The following SCN1A variants were observed in gnomAD, a reference collection of about 807,000 sequenced individuals.
SCN1A encodes sodium channel protein type 1 subunit alpha.
SCN1A carries 13 observed loss-of-function variants against 193.7 expected under a neutral mutation model. The observed-to-expected ratio is 0.07, with a 90% CI of 0.04 to 0.11. The LOEUF (loss-of-function observed/expected upper bound fraction) is 0.11, where lower values mean the gene tolerates loss of function less well. Among genes scored for constraint, SCN1A ranks in the 10% least tolerant of loss-of-function variants. The probability of loss-of-function intolerance (pLI) is 1.00; values close to 1 mark genes in which losing one functional copy is unlikely to be tolerated. For synonymous variants in SCN1A, 781 were observed against 843.6 expected (o/e 0.93, Z 1.29); for missense variants, 1,432 against 2,451.1 (o/e 0.58, Z 8.78).
intron 6 of SCN1A, among the ~76,000 whole-genome samples, chr2:166,055,094 A>G (rs1023044220): frequency 6.6e-6 from 1 of 151,980 alleles, no homozygotes; most frequent in African/African-American, 2.4e-5. Flanking sequence ...TAGCCAATCA[A>G]TAATATTGCA....
rs755598644 is a variant in SCN1A at position 166,051,829 on chromosome 2, G to A, written c.854C>T (p.Ala285Val). 44 of 1,612,340 alleles carry A rather than the reference G, an allele frequency of 2.7e-5. No homozygotes were observed. In the South Asian group the frequency reaches 3.8e-4, roughly 14 times the overall value. The change falls in exon 9 of 29, where the codon GCT becomes GTT. Residue 285 changes from alanine (A) to valine (V), a missense_variant. Ala to Val is a moderately conservative substitution (Grantham distance 64). Transcript: ENST00000674923. ...TTCTATACTATGTTCCTCCAAGGAAGCATTGGTGGGAGGCCATTGTATACA... is the reference window on the plus strand; with the variant it reads ...TTCTATACTATGTTCCTCCAAGGAAACATTGGTGGGAGGCCATTGTATACA... Reference protein sequence around the residue: ...NKCIQWPPTNASLEEHSIEKN... With the variant: ...NKCIQWPPTNVSLEEHSIEKN...
intron 19 of SCN1A, among the ~76,000 whole-genome samples, chr2:166,021,390 A>G (rs886153053): frequency 1.3e-5 from 2 of 152,174 alleles, no homozygotes; most frequent in Admixed American, 6.6e-5. Flanking sequence ...ACAAAATAAA[A>G]TAAGTTCACA....
Position 166,042,299 on chromosome 2 carries a change from T to C in SCN1A, c.2169A>G (p.Thr723=). 6.2e-7 allele frequency: 1 copy of C among 1,613,764 alleles called. No individual in the cohort carries two copies. Among genetic ancestry groups the C allele is most frequent in the Non-Finnish European group, 8.5e-7 (1 of 1,179,788 alleles). The change falls in exon 15 of 29, where the codon ACA becomes ACG. Residue 723 remains threonine, a synonymous_variant. Coordinates refer to ENST00000674923, the MANE Select transcript of SCN1A (RefSeq NM_001165963.4). ...AMSIASILTN[T]VEELEESRQK... ...ATAGAATTTGTTACCAACCTTCTAC[T>C]GTATTTGTTAGAATGCTGGCTATAC...
chr2:166,015,677 G>A lies in SCN1A; in HGVS notation c.3480C>T (p.Gly1160=), dbSNP rs369594817. 3.1e-5 allele frequency: 50 copies of A among 1,612,698 alleles called. No individual in the cohort carries two copies. The African/African-American group carries it at 3.2e-4, about 10-fold the overall frequency. ...CTACGGGCTGTTCTTCTACAGGTGCGCCGATGTCCACAGTGCTACCTTCTG... is the reference window on the plus strand; with the variant it reads ...CTACGGGCTGTTCTTCTACAGGTGCACCGATGTCCACAGTGCTACCTTCTG... ...SSSEGSTVDI[G]APVEEQPVVE... is the part of the protein sequence containing the mutation. The change falls in exon 20 of 29, where the codon GGC becomes GGT. Residue 1160 remains glycine (G), a synonymous_variant. Coordinates refer to ENST00000674923, the MANE Select transcript of SCN1A (RefSeq NM_001165963.4).
chr2:166,114,947 ATAT>A (rs1353377015), intron 2 of SCN1A, among the ~76,000 whole-genome samples: 2 of 152,186 alleles, frequency 1.3e-5, no homozygotes, highest in South Asian at 2.1e-4. Flanking sequence ...GAGATCACAA[ATAT>A]TATTTTCTTC....
At chr2:166,076,866 T>C (rs73969794) in intron 3 of SCN1A, among the ~76,000 whole-genome samples, 11,665 of 150,974 alleles carry the variant, frequency 0.077, 1,217 homozygotes, top group African/African-American at 0.24. Context: ...CTAGACCTTA[T>C]GCCTTTCACA....
intron 5 of SCN1A, among the ~76,000 whole-genome samples, chr2:166,057,264 G>A (rs7423423): frequency 0.67 from 101,039 of 151,802 alleles, 34,067 homozygotes; most frequent in East Asian, 0.89. Flanking sequence ...ATGAGTTAAT[G>A]TATTGGAAAT....
chr2:166,063,466 G>T (rs2217198), intron 4 of SCN1A, among the ~76,000 whole-genome samples: 26 of 151,776 alleles, frequency 1.7e-4, no homozygotes, highest in African/African-American at 6.0e-4. Context: ...TGGCAATTCA[G>T]AATACATGTA....
chr2:165,991,401 G>C lies in SCN1A; in HGVS notation c.5874C>G (p.Asp1958Glu). 6.2e-7 allele frequency: 1 copy of C among 1,613,618 alleles called. No homozygotes were observed. The change falls in exon 29 of 29, where the codon GAC becomes GAG. Residue 1958 changes from aspartate (D) to glutamate (E), a missense_variant. Physicochemically the swap from Asp to Glu is conservative, Grantham distance 45. Around this residue, in one of 18 missense-constraint regions of SCN1A, gnomAD observed 148 missense variants for 160.3 expected, o/e 0.92. Coordinates refer to ENST00000674923, the MANE Select transcript of SCN1A (RefSeq NM_001165963.4). ...KGGANLLIKE[D>E]MIIDRINENS... is the part of the protein sequence containing the mutation. ...TTTCATTTATTCTGTCAATTATCAT[G>C]TCTTCTTTTATAAGAAGATTAGCCC...
Position 166,142,414 on chromosome 2 carries a change from T to A in SCN1A, c.-50+6633A>T, listed in dbSNP as rs180697810. ...CAGTGTGGGAGGGTTGGCTAATTGT[T>A]AGGAAGCAACATTTGGTAAATCTGG... On this transcript the variant is annotated intron_variant, in intron 1 of 26. Transcript: ENST00000635750. 1.3e-3 allele frequency among the ~76,000 whole-genome samples: 195 copies of A among 152,294 alleles called. 2 individuals are homozygous for A. Among genetic ancestry groups the A allele is most frequent in the African/African-American group, 4.4e-3 (184 of 41,548 alleles).
Position 165,990,559 on chromosome 2 carries a change from C to T in SCN1A, c.*686G>A, listed in dbSNP as rs941865720. Reference sequence around the variant, plus strand: ...GGTCTAGGGGCTGGATTTCGCAAAACAAGATCAACAAAGCACCTCCACTTA... The same window carrying T: ...GGTCTAGGGGCTGGATTTCGCAAAATAAGATCAACAAAGCACCTCCACTTA... On this transcript the variant is annotated 3_prime_UTR_variant, in exon 29 of 29. Transcript: ENST00000674923. The T allele has an allele frequency of 6.6e-6, 1 of 152,634 alleles. No homozygotes were observed. 9.5% of individuals were successfully genotyped at this position (152,634 alleles called of 1,614,324 possible). A position where few individuals can be genotyped will look rare whatever the true frequency, so the allele number is the denominator to read the frequency against.
At chr2:166,117,947 A>G (rs1215664201) in intron 2 of SCN1A, among the ~76,000 whole-genome samples, 1 of 146,360 alleles carries the variant, frequency 6.8e-6, no homozygotes, top group Non-Finnish European at 1.5e-5. Context: ...TGGGCAATAG[A>G]GTGAGACTCT....
chr2:166,031,807 G>C (rs986784798), intron 19 of SCN1A, among the ~76,000 whole-genome samples: 7 of 152,066 alleles, frequency 4.6e-5, no homozygotes, highest in Non-Finnish European at 1.0e-4. Flanking sequence ...CAGAAATGCA[G>C]TCAGTAACAT....
rs989260705 is a variant in SCN1A at position 165,986,651 on chromosome 2, A to G, written c.*4594T>C. 1.9e-4 allele frequency: 28 copies of G among 150,396 alleles called. No individual in the cohort carries two copies. The highest frequency in any genetic ancestry group is 6.8e-4 in the African/African-American group (28 of 40,914). 9.3% of individuals were successfully genotyped at this position (150,396 alleles called of 1,614,324 possible). Reference sequence around the variant, plus strand: ...TTATAAAGTCCAGGGCATACAAAATATGATAGTGTGAACACGCAGACATAG... The same window carrying G: ...TTATAAAGTCCAGGGCATACAAAATGTGATAGTGTGAACACGCAGACATAG... On this transcript the variant is annotated 3_prime_UTR_variant, in exon 29 of 29. Transcript: ENST00000674923.
rs76121363 is a variant in SCN1A at position 166,145,794 on chromosome 2, C to A, written c.-50+3253G>T. Among the ~76,000 whole-genome samples the A allele has an allele frequency of 5.1e-3, 781 of 152,318 alleles. 10 individuals carry two copies. The highest frequency in any genetic ancestry group is 0.041 in the South Asian group (198 of 4,822). On this transcript the variant is annotated intron_variant, in intron 1 of 26. Coordinates refer to the SCN1A transcript ENST00000635750. ...TTATGATTATACCATATGACCCCAA[C>A]TGCCTTCTATGTATGGTGAATGGTT...
intron 2 of SCN1A, among the ~76,000 whole-genome samples, chr2:166,124,662 T>C (rs1426516367): frequency 6.6e-6 from 1 of 152,210 alleles, no homozygotes; most frequent in Non-Finnish European, 1.5e-5. Flanking sequence ...AGCTCACATG[T>C]ACGACTGCAC....
chr2:166,126,606 T>C (rs1274338249), intron 2 of SCN1A: 2 of 152,210 alleles, frequency 1.3e-5, no homozygotes, highest in African/African-American at 4.8e-5. Flanking sequence ...TGGAGAAATA[T>C]GTTCTGTTAC....
rs888694864 is a variant in SCN1A, at chr2:166,036,787, C to G, written c.2947-257G>C. 1.2e-4 allele frequency among the ~76,000 whole-genome samples: 18 copies of G among 152,266 alleles called. No individual in the cohort carries two copies. In the East Asian group the frequency reaches 3.5e-3, roughly 29 times the overall value. On this transcript the variant is annotated intron_variant, in intron 18 of 28. Transcript: ENST00000674923. ...GTAAAGTGAAATTGAATGAGCTAAT[C>G]TAAGGTTTTGTTAACTCTAAAATTG...
Position 166,051,761 on chromosome 2 carries a change from T to C in SCN1A, c.922A>G (p.Thr308Ala). 1 of 1,609,136 alleles carries C rather than the reference T, an allele frequency of 6.2e-7. No individual in the cohort carries two copies. Among genetic ancestry groups the C allele is most frequent in the Non-Finnish European group, 8.5e-7 (1 of 1,176,198 alleles). The stretch of plus-strand genomic sequence containing the variant: ...GACTTCCAGTCAAACTCAAAGACAG[T>C]TTCATTTATAAGTGTACCATTATAA... The part of the protein sequence containing the change: ...VNYNGTLINE[T>A]VFEFDWKSYI... The change falls in exon 9 of 29, where the codon ACT becomes GCT. Residue 308 changes from threonine (T) to alanine (A), a missense_variant. By Grantham distance (58) the Thr-to-Ala change is moderately conservative (BLOSUM62 0). Coordinates refer to ENST00000674923, the MANE Select transcript of SCN1A (RefSeq NM_001165963.4).
Sources: allele counts gnomAD v4.1 joint callset (sites outside exome capture counted in the v4.1 genomes callset), GRCh38; gene constraint gnomAD v4.1.1; regional missense constraint gnomAD v4.1.1; transcripts MANE v1.5; gene names NCBI Gene and HGNC (gene_info 2026-07-23, HGNC 2026-07-21).